The following CTNNA3 variants were observed in gnomAD, a reference collection of about 807,000 sequenced individuals.
CTNNA3 encodes the protein catenin alpha 3.
In CTNNA3, 76 loss-of-function variants were observed where a neutral mutation model predicts 95.7. The ratio of observed to expected loss-of-function variants is 0.79; its 90% CI spans 0.66 to 0.96. The LOEUF is 0.96. CTNNA3 is among the 40% of genes least tolerant of loss of function. CTNNA3 has a pLI of 0.00. For synonymous variants in CTNNA3, 431 were observed against 374.4 expected, an observed-to-expected ratio of 1.15 and a Z score of -1.74; for missense variants, 1,191 against 1,089.8, an observed-to-expected ratio of 1.09 and a Z score of -1.31.
At chr10:66,167,479 C>T (rs1218539013) in intron 13 of CTNNA3, among the ~76,000 whole-genome samples, 3 of 152,046 alleles carry the variant, frequency 2.0e-5, no homozygotes, top group African/African-American at 7.2e-5. Flanking sequence ...AAGATTTTAA[C>T]GTCTTTTGAA....
chr10:66,545,032 A>C (rs973813316), intron 10 of CTNNA3, among the ~76,000 whole-genome samples: 1 of 152,076 alleles, frequency 6.6e-6, no homozygotes, highest in African/African-American at 2.4e-5. Flanking sequence ...GACTTAACAA[A>C]ATACACTTAT....
chr10:67,168,300 G>C (rs539517436), intron 7 of CTNNA3, among the ~76,000 whole-genome samples: 1 of 152,168 alleles, frequency 6.6e-6, no homozygotes, highest in South Asian at 2.1e-4. Flanking sequence ...AGCATCATCT[G>C]GATACCAAAA....
At chr10:66,154,295 G>A (rs770247878) in intron 13 of CTNNA3, among the ~76,000 whole-genome samples, 1 of 151,578 alleles carries the variant, frequency 6.6e-6, no homozygotes, top group Non-Finnish European at 1.5e-5. Flanking sequence ...TCCTTATCAA[G>A]GATATTAGTC....
At chr10:67,735,454 CA>C (rs928479491) in intron 1 of CTNNA3, among the ~76,000 whole-genome samples, 16 of 151,674 alleles carry the variant, frequency 1.1e-4, no homozygotes, top group African/African-American at 3.9e-4. Context: ...TAATCAACAA[CA>C]AAAAACAAAA....
At chr10:67,328,708 G>A (rs891467777) in intron 5 of CTNNA3, among the ~76,000 whole-genome samples, 11 of 152,130 alleles carry the variant, frequency 7.2e-5, no homozygotes, top group South Asian at 4.1e-4. Flanking sequence ...CAGCTTCTGC[G>A]TCTTCCCTCT....
intron 7 of CTNNA3, among the ~76,000 whole-genome samples, chr10:67,091,771 G>C (rs1301765841): frequency 1.3e-5 from 2 of 151,992 alleles, no homozygotes; most frequent in Non-Finnish European, 2.9e-5. Context: ...AAGAGACAGG[G>C]AGTCAAAGTA....
Position 66,360,639 on chromosome 10 carries a change from C to CTTTCTTCCTTCCTTCCTTCCT in CTNNA3, c.1732+18512_1732+18513insAGGAAGGAAGGAAGGAAGAAA, listed in dbSNP as rs1564896016. 3.6e-3 allele frequency among the ~76,000 whole-genome samples: 204 copies of CTTTCTTCCTTCCTTCCTTCCT among 56,604 alleles called. 2 individuals are homozygous for CTTTCTTCCTTCCTTCCTTCCT. The highest frequency in any genetic ancestry group is 5.9e-3 in the Non-Finnish European group (154 of 25,886). The allele number at this position is 56,604 out of a possible 152,430, so 37.1% of individuals were successfully genotyped here. On this transcript the variant is annotated intron_variant, in intron 12 of 17. Transcript: ENST00000433211. ...TCTTTCTTTCTTTCTTTCTTTCTTT[C>CTTTCTTCCTTCCTTCCTTCCT]TTTCTTTCTTTCTTTCTTTCTTCCT...
rs746323915 is a variant in CTNNA3, at chr10:67,629,166, AAAC to A, written c.99+18246_99+18248del. Among the ~76,000 whole-genome samples the A allele has an allele frequency of 6.6e-5, 10 of 152,320 alleles. No homozygotes were observed. In the East Asian group the frequency reaches 7.7e-4, roughly 12 times the overall value. On this transcript the variant is annotated intron_variant, in intron 2 of 17. Transcript: ENST00000433211. ...GTTTTGTTCTCCAGAGTTAAAAAAA[AAAC>A]AACAACTTTTTAAAGGCTACAATTC... is the stretch of plus-strand genomic sequence containing the variant.
intron 11 of CTNNA3, among the ~76,000 whole-genome samples, chr10:66,386,971 T>A (rs2092898388): frequency 6.6e-6 from 1 of 152,098 alleles, no homozygotes; most frequent in African/African-American, 2.4e-5. Context: ...ACTTAAATGT[T>A]AGACCTAAAA....
At chr10:67,260,831 T>C (rs563594911) in intron 5 of CTNNA3, among the ~76,000 whole-genome samples, 180 of 152,110 alleles carry the variant, frequency 1.2e-3, no homozygotes, top group African/African-American at 4.1e-3. Flanking sequence ...ATTACAGGCA[T>C]GTGCCACCAC....
chr10:67,635,331 A>G (rs930402621), intron 2 of CTNNA3, among the ~76,000 whole-genome samples: 1 of 152,240 alleles, frequency 6.6e-6, no homozygotes, highest in Admixed American at 6.5e-5. Flanking sequence ...TGAGGCCAGC[A>G]TCATCCTGAT....
At chr10:67,107,929 G>T (rs1430631432) in intron 7 of CTNNA3, among the ~76,000 whole-genome samples, 2 of 152,222 alleles carry the variant, frequency 1.3e-5, no homozygotes, top group African/African-American at 4.8e-5. Flanking sequence ...TGGCCTTGCG[G>T]AGAGTCCCTG....
At chr10:67,509,989 T>C (rs1839559604) in intron 5 of CTNNA3, among the ~76,000 whole-genome samples, 1 of 152,266 alleles carries the variant, frequency 6.6e-6, no homozygotes, top group African/African-American at 2.4e-5. Context: ...ATAAATGTCT[T>C]CTTTTGAAAA....
chr10:66,044,228 G>C (rs955107361), intron 15 of CTNNA3, among the ~76,000 whole-genome samples: 1 of 152,096 alleles, frequency 6.6e-6, no homozygotes, highest in South Asian at 2.1e-4. Context: ...GTGACCTTAG[G>C]TGATCTACCG....
intron 11 of CTNNA3, among the ~76,000 whole-genome samples, chr10:66,460,348 T>C (rs1197957905): frequency 6.6e-6 from 1 of 152,230 alleles, no homozygotes. Flanking sequence ...CAAGACTTTT[T>C]TCACAAATTA....
chr10:65,932,216 C>T (rs1283240561), intron 17 of CTNNA3, among the ~76,000 whole-genome samples: 2 of 152,056 alleles, frequency 1.3e-5, no homozygotes, highest in African/African-American at 4.8e-5. Flanking sequence ...ATAGGGTTGT[C>T]AGAAGGACAG....
chr10:66,394,506 C>CA (rs1185323193), intron 11 of CTNNA3, among the ~76,000 whole-genome samples: 1 of 150,594 alleles, frequency 6.6e-6, no homozygotes, highest in Non-Finnish European at 1.5e-5. Flanking sequence ...CTTCCTCTCC[C>CA]ACAGACTGAG....
chr10:66,167,287 A>G (rs983251717), intron 13 of CTNNA3, among the ~76,000 whole-genome samples: 1 of 152,170 alleles, frequency 6.6e-6, no homozygotes, highest in Non-Finnish European at 1.5e-5. Context: ...AAAAAAAATT[A>G]TATGTTAGAT....
chr10:67,353,982 CT>C (rs1173389932), intron 5 of CTNNA3, among the ~76,000 whole-genome samples: 5 of 151,970 alleles, frequency 3.3e-5, no homozygotes, highest in Non-Finnish European at 5.9e-5. Flanking sequence ...TCAGTTAAAT[CT>C]TTCAAACAGC....
Sources: gnomAD v4.1 joint callset for allele counts (sites outside exome capture counted in the v4.1 genomes callset) on GRCh38, gnomAD v4.1.1 for gene constraint, MANE v1.5 for transcripts, NCBI Gene and HGNC (gene_info 2026-07-23, HGNC 2026-07-21) for gene names.